GARS1: variants seen among roughly 807,000 people sequenced by gnomAD.
The protein encoded by GARS1 is glycyl-tRNA synthetase 1, also known as glycine--tRNA ligase.
A neutral mutation model predicts 86.4 loss-of-function variants in GARS1; 46 were observed. The observed-to-expected ratio is 0.53, with a 90% CI of 0.42 to 0.68. The LOEUF is 0.68. Among genes scored for constraint, GARS1 ranks in the 30% least tolerant of loss-of-function variants. GARS1 has a pLI of 0.00. For synonymous variants in GARS1, 342 were observed against 329.8 expected (o/e 1.04, Z -0.40); for missense variants, 797 against 915.6 (o/e 0.87, Z 1.67).
In GARS1 at chr7:30,622,408, C is replaced by G; in HGVS notation, c.1559C>G (p.Ala520Gly). 3 of 1,614,048 alleles carry G rather than the reference C, an allele frequency of 1.9e-6. No homozygotes were observed. Among genetic ancestry groups the G allele is most frequent in the Non-Finnish European group, 2.5e-6 (3 of 1,179,992 alleles). The change falls in exon 12 of 17, where the codon GCC (alanine) becomes GGC (glycine). Residue 520 changes from alanine to glycine, a missense_variant. Ala to Gly is a moderately conservative substitution (Grantham distance 60). Around this residue, in one of 2 missense-constraint regions of GARS1, gnomAD observed 598 missense variants for 738.7 expected, o/e 0.81. Transcript: ENST00000389266. Reference sequence around the variant, plus strand: ...GCAAAACTGGTGATGGAGTATCTTGCCATTTGTGATGAGTGCTACATTACA... The same window carrying G: ...GCAAAACTGGTGATGGAGTATCTTGGCATTTGTGATGAGTGCTACATTACA... ...KDAKLVMEYLAICDECYITEM... is the reference protein window; with the variant it reads ...KDAKLVMEYLGICDECYITEM...
intron 2 of GARS1, among the ~76,000 whole-genome samples, chr7:30,599,127 C>T (rs1234142914): frequency 6.6e-6 from 1 of 152,196 alleles, no homozygotes; most frequent in Non-Finnish European, 1.5e-5. Context: ...CCTGCAAATG[C>T]TGGACTCAAT....
chr7:30,610,802 A>G lies in GARS1; in HGVS notation c.881+1072A>G, dbSNP rs370209026. On this transcript the variant is annotated intron_variant, in intron 7 of 16. Transcript: ENST00000389266. The stretch of plus-strand genomic sequence containing the variant: ...TGAGAGTGGTTAAACAAATTATGGT[A>G]AAGTGGATTAGTTTGGGATAATATT... Among the ~76,000 whole-genome samples, 267 of 152,354 alleles carry G rather than the reference A, an allele frequency of 1.8e-3. 2 individuals are homozygous for G. The highest frequency in any genetic ancestry group is 5.8e-3 in the African/African-American group (243 of 41,588).
intron 1 of GARS1, among the ~76,000 whole-genome samples, chr7:30,596,516 TC>T (rs1791250405): frequency 6.6e-6 from 1 of 151,614 alleles, no homozygotes; most frequent in African/African-American, 2.4e-5. Context: ...CCCAAACCCC[TC>T]CCTCTGCCAC....
At chr7:30,596,664 T>G (rs1455880228) in intron 1 of GARS1, among the ~76,000 whole-genome samples, 1 of 152,248 alleles carries the variant, frequency 6.6e-6, no homozygotes, top group Non-Finnish European at 1.5e-5. Flanking sequence ...GTCTTGATTA[T>G]TGTTTTGTAC....
At chr7:30,599,634 C>G (rs1046206176) in intron 2 of GARS1, among the ~76,000 whole-genome samples, 2 of 152,208 alleles carry the variant, frequency 1.3e-5, no homozygotes, top group Non-Finnish European at 2.9e-5. Flanking sequence ...AACTCCTGAC[C>G]TCAGGTGATC....
intron 12 of GARS1, among the ~76,000 whole-genome samples, chr7:30,623,231 G>A (rs937516037): frequency 3.3e-5 from 5 of 151,252 alleles, no homozygotes; most frequent in East Asian, 3.9e-4. Context: ...GAAAAAGCAG[G>A]AAAATGAGAA....
chr7:30,612,023 T>C (rs1347390647), intron 7 of GARS1, 73 bp from the exon 8 acceptor site: 4 of 1,351,402 alleles, frequency 3.0e-6, no homozygotes, highest in South Asian at 1.2e-5. Context: ...TTAGGATTTG[T>C]ATCTAGAATT....
chr7:30,600,094 C>G lies in GARS1; in HGVS notation c.427+45C>G, dbSNP rs774573048. ...AAGAACTATTGTGTTGTTAGTGGCT[C>G]TAATATTATACTTAAATCAAGAACA... is the stretch of plus-strand genomic sequence containing the variant. On this transcript the variant is annotated intron_variant, in intron 3 of 16. Transcript: ENST00000389266. 9.9e-6 allele frequency: 13 copies of G among 1,318,914 alleles called. No homozygotes were observed. In the East Asian group the frequency reaches 3.0e-4, roughly 30 times the overall value. The allele number at this position is 1,318,914 out of a possible 1,614,324, so 81.7% of individuals were successfully genotyped here. A position where few individuals can be genotyped will look rare whatever the true frequency, so the allele number is the denominator to read the frequency against.
At chr7:30,625,376 A>T (rs1196093665) in intron 12 of GARS1, among the ~76,000 whole-genome samples, 1 of 152,236 alleles carries the variant, frequency 6.6e-6, no homozygotes, top group African/African-American at 2.4e-5. Flanking sequence ...AATAGTAAAA[A>T]CGGAAGAATT....
intron 16 of GARS1, 151 bp from the exon 17 acceptor site, chr7:30,633,584 C>A: frequency 1.2e-6 from 1 of 845,334 alleles, no homozygotes; most frequent in South Asian, 1.4e-5. Flanking sequence ...TCTGGGGGAA[C>A]TGGTGGGCGT....
chr7:30,607,131 T>A (rs778201835), intron 6 of GARS1, among the ~76,000 whole-genome samples: 10 of 152,258 alleles, frequency 6.6e-5, no homozygotes, highest in Non-Finnish European at 1.3e-4. Flanking sequence ...TACAGTCTGA[T>A]AACTGTATTT....
intron 11 of GARS1, 151 bp downstream of exon 11, chr7:30,621,651 C>A: frequency 1.4e-6 from 1 of 706,252 alleles, no homozygotes; most frequent in East Asian, 2.6e-5. Context: ...TTACCTATCC[C>A]TTTGTTCCTT....
chr7:30,602,139 A>G (rs1584025088), intron 4 of GARS1, among the ~76,000 whole-genome samples: 1 of 151,186 alleles, frequency 6.6e-6, no homozygotes, highest in African/African-American at 2.4e-5. Context: ...CCCAGGCTGG[A>G]GTGCAGTGGG....
chr7:30,601,105 G>C lies in GARS1; in HGVS notation c.474G>C (p.Lys158Asn). The change falls in exon 4 of 17, where the codon AAG becomes AAC. Residue 158 changes from lysine (K) to asparagine (N), a missense_variant. Coordinates refer to ENST00000389266, the MANE Select transcript of GARS1 (RefSeq NM_002047.4). ...YDFGPVGCAL[K>N]NNIIQTWRQH... ...TTGGGCCAGTTGGCTGTGCTTTGAA[G>C]AACAATATTATTCAGACCTGGAGGC... 6.2e-7 allele frequency: 1 copy of C among 1,614,018 alleles called. No homozygotes were observed. The highest frequency in any genetic ancestry group is 8.5e-7 in the Non-Finnish European group (1 of 1,179,896).
At chr7:30,596,812 T>C (rs1317224825) in intron 1 of GARS1, among the ~76,000 whole-genome samples, 1 of 152,242 alleles carries the variant, frequency 6.6e-6, no homozygotes, top group Non-Finnish European at 1.5e-5. Context: ...AAAAATAATT[T>C]AAAGATGATC....
intron 16 of GARS1, 54 bp from the exon 17 acceptor site, chr7:30,633,681 C>T (rs1783279716): frequency 6.2e-7 from 1 of 1,600,186 alleles, no homozygotes; most frequent in Non-Finnish European, 8.5e-7. Context: ...GAATCTTCTT[C>T]TTAAAAATCT....
At chr7:30,626,734 G>C (rs1020804387) in intron 13 of GARS1, among the ~76,000 whole-genome samples, 2 of 152,222 alleles carry the variant, frequency 1.3e-5, no homozygotes, top group African/African-American at 4.8e-5. Context: ...TGTAATCCCA[G>C]CACTTTGGGA....
At chr7:30,626,697 TA>T (rs1236270092) in intron 13 of GARS1, among the ~76,000 whole-genome samples, 3 of 152,198 alleles carry the variant, frequency 2.0e-5, no homozygotes, top group African/African-American at 7.2e-5. Context: ...AAAAGTCATT[TA>T]GGGGCCGGGC....
In GARS1 at chr7:30,596,486, G is replaced by GA. The variant is rs372037592; in HGVS notation, c.222+1354dup. Among the ~76,000 whole-genome samples the GA allele has an allele frequency of 1.2e-3, 168 of 143,942 alleles. 1 individual carries two copies. Among genetic ancestry groups the GA allele is most frequent in the African/African-American group, 1.9e-3 (75 of 39,604 alleles). 94.4% of individuals were successfully genotyped at this position (143,942 alleles called of 152,430 possible). A position where few individuals can be genotyped will look rare whatever the true frequency, so the allele number is the denominator to read the frequency against. On this transcript the variant is annotated intron_variant, in intron 1 of 16. Transcript: ENST00000389266. ...GAAGGAAGCATACAACTAATTTGGAGAAAAAAAAAAACCACCACACCCAAA... is the reference window on the plus strand; with the variant it reads ...GAAGGAAGCATACAACTAATTTGGAGAAAAAAAAAAAACCACCACACCCAAA...
Sources: allele counts gnomAD v4.1 joint callset (sites outside exome capture counted in the v4.1 genomes callset), GRCh38; gene constraint gnomAD v4.1.1; regional missense constraint gnomAD v4.1.1; transcripts MANE v1.5; gene names NCBI Gene and HGNC (gene_info 2026-07-23, HGNC 2026-07-21).